The following EML6 variants were observed in gnomAD, a reference collection of about 807,000 sequenced individuals.
The protein encoded by EML6 is echinoderm microtubule-associated protein-like 6.
A neutral mutation model predicts 240.1 loss-of-function variants in EML6; 154 were observed. That is an observed-to-expected ratio of 0.64 (90% confidence interval 0.56 to 0.73). The LOEUF is 0.73. Among genes scored for constraint, EML6 ranks in the 30% least tolerant of loss-of-function variants. EML6 has a pLI of 0.00. For missense variants in EML6, 2,964 were observed against 2,474.6 expected, an observed-to-expected ratio of 1.20 and a Z score of -4.20; for synonymous variants, 1,148 against 899.0, an observed-to-expected ratio of 1.28 and a Z score of -4.95.
At chr2:54,823,910 T>C (rs1668462715) in intron 5 of EML6, among the ~76,000 whole-genome samples, 1 of 102,810 alleles carries the variant, frequency 9.7e-6, no homozygotes. Context: ...CAGAGAGAGA[T>C]CACTACCTCC....
intron 7 of EML6, among the ~76,000 whole-genome samples, chr2:54,831,004 C>G (rs1314108180): frequency 6.6e-6 from 1 of 152,056 alleles, no homozygotes; most frequent in Non-Finnish European, 1.5e-5. Flanking sequence ...AGAGTGTGGG[C>G]CAGGGAAACT....
At chr2:54,731,741 A>G (rs1683178997) in intron 2 of EML6, among the ~76,000 whole-genome samples, 1 of 152,138 alleles carries the variant, frequency 6.6e-6, no homozygotes, top group East Asian at 1.9e-4. Context: ...AGTCCCACCA[A>G]CCCCATCAAT....
chr2:54,821,898 GAGAA>G lies in EML6; in HGVS notation c.525+1440_525+1443del, dbSNP rs139120804. On this transcript the variant is annotated intron_variant, in intron 5 of 41. Coordinates refer to ENST00000356458, the MANE Select transcript of EML6 (RefSeq NM_001039753.4). The stretch of plus-strand genomic sequence containing the variant: ...GGCAAATATTTAACTGCTCAAATTG[GAGAA>G]AGATTTTTTTAAAATGTAAAAGCAA... Among the ~76,000 whole-genome samples the G allele has an allele frequency of 6.4e-3, 970 of 152,142 alleles. 7 individuals carry two copies. Among genetic ancestry groups the G allele is most frequent in the African/African-American group, 0.022 (927 of 41,542 alleles).
intron 6 of EML6, among the ~76,000 whole-genome samples, chr2:54,829,080 A>T (rs1017777576): frequency 6.6e-6 from 1 of 152,196 alleles, no homozygotes; most frequent in African/African-American, 2.4e-5. Context: ...TATATTTTTG[A>T]ATTTTTTTAA....
chr2:54,845,747 C>G (rs936382295), intron 8 of EML6, among the ~76,000 whole-genome samples: 2 of 152,098 alleles, frequency 1.3e-5, no homozygotes, highest in Non-Finnish European at 1.5e-5. Flanking sequence ...TACAGGCTGC[C>G]TAAGGGACCG....
At chr2:54,801,790 G>A (rs1199365298) in intron 2 of EML6, among the ~76,000 whole-genome samples, 2 of 152,128 alleles carry the variant, frequency 1.3e-5, no homozygotes, top group Admixed American at 1.3e-4. Flanking sequence ...AGCTAATTTG[G>A]TTAGAAAACT....
intron 29 of EML6, 105 bp from the exon 30 acceptor site, chr2:54,950,545 A>G: frequency 1.5e-6 from 2 of 1,312,178 alleles, no homozygotes; most frequent in Non-Finnish European, 2.1e-6. Context: ...GTCACCAGCC[A>G]TACCGTTCCT....
At chr2:54,832,736 C>T (rs1376089300) in intron 7 of EML6, among the ~76,000 whole-genome samples, 1 of 151,446 alleles carries the variant, frequency 6.6e-6, no homozygotes, top group Non-Finnish European at 1.5e-5. Flanking sequence ...GTGTCCTGTC[C>T]TCCCCACCCC....
Position 54,894,965 on chromosome 2 carries a change from G to C in EML6, c.2793G>C (p.Met931Ile). 6.4e-7 allele frequency: 1 copy of C among 1,551,464 alleles called. No individual in the cohort carries two copies. Among genetic ancestry groups the C allele is most frequent in the African/African-American group, 1.4e-5 (1 of 73,140 alleles). ...GCATCGTGGAGCTCTGGGATGATAT[G>C]TTTGAAAGATGTTTGAAGACTTATG... ...KDGIVELWDD[M>I]FERCLKTYAI... is the part of the protein sequence containing the mutation. Residue 931 changes from methionine (M) to isoleucine (I), a missense_variant, in exon 20 of 42, where the codon ATG (methionine) becomes ATC (isoleucine). Coordinates refer to ENST00000356458, the MANE Select transcript of EML6 (RefSeq NM_001039753.4).
chr2:54,726,686 T>G (rs1275693823), intron 2 of EML6, among the ~76,000 whole-genome samples: 1 of 152,250 alleles, frequency 6.6e-6, no homozygotes, highest in Non-Finnish European at 1.5e-5. Context: ...AGTTTTGTTC[T>G]GCAGATTTTG....
chr2:54,857,852 C>A (rs973853162), intron 11 of EML6, among the ~76,000 whole-genome samples: 1 of 151,946 alleles, frequency 6.6e-6, no homozygotes, highest in Non-Finnish European at 1.5e-5. Context: ...AGTGAGTGAG[C>A]GGGGAGAGAG....
chr2:54,892,943 C>G (rs182207856), intron 19 of EML6, among the ~76,000 whole-genome samples: 3 of 152,310 alleles, frequency 2.0e-5, no homozygotes, highest in East Asian at 3.9e-4. Flanking sequence ...TAAATGTGGA[C>G]ACTTAGCAGC....
At chr2:54,894,864 T>A in intron 19 of EML6, 51 bp from the exon 20 acceptor site, 1 of 1,293,706 alleles carries the variant, frequency 7.7e-7, no homozygotes, top group Non-Finnish European at 1.1e-6. Context: ...GCCAAGTGGG[T>A]AATTGGTCAT....
At chr2:54,904,936 A>T (rs1171961924) in intron 24 of EML6, among the ~76,000 whole-genome samples, 1 of 152,222 alleles carries the variant, frequency 6.6e-6, no homozygotes, top group Admixed American at 6.5e-5. Context: ...TACTTGCCAC[A>T]CTGGAATTTG....
Position 54,970,236 on chromosome 2 carries a change from G to GTTGTGT in EML6, c.*141_*142insTTGTGT. On this transcript the variant is annotated 3_prime_UTR_variant, in exon 42 of 42. Transcript: ENST00000356458. ...GGATGCACAAGCTCAAAACGCTGCA[G>GTTGTGT]AAGTTACACAACTGCTCCCATAATC... is the stretch of plus-strand genomic sequence containing the variant. 1.3e-6 allele frequency: 1 copy of GTTGTGT among 797,404 alleles called. No individual in the cohort carries two copies. The highest frequency in any genetic ancestry group is 2.1e-6 in the Non-Finnish European group (1 of 474,056). The allele number at this position is 797,404 out of a possible 1,614,324, so 49.4% of individuals were successfully genotyped here. A position where few individuals can be genotyped will look rare whatever the true frequency, so the allele number is the denominator to read the frequency against.
At position 54,959,202 on chromosome 2, in the gene EML6, G is replaced by A. The variant is rs1676379205; in HGVS notation, c.4794G>A (p.Val1598=). Residue 1598 remains valine, a synonymous_variant, in exon 34 of 42, where the codon GTG becomes GTA. Transcript: ENST00000356458. ...RLVAKAHTGP[V]FTMYTTLRDG... ...TGGCCAAGGCTCACACAGGCCCCGT[G>A]TTCACAATGTACACAACCCTTCGGG... The A allele has an allele frequency of 1.9e-6, 3 of 1,551,450 alleles. No homozygotes were observed. Among genetic ancestry groups the A allele is most frequent in the Non-Finnish European group, 2.6e-6 (3 of 1,146,962 alleles).
At chr2:54,855,270 C>A (rs1670310594) in intron 11 of EML6, among the ~76,000 whole-genome samples, 1 of 151,974 alleles carries the variant, frequency 6.6e-6, no homozygotes, top group South Asian at 2.1e-4. Flanking sequence ...ACAATCATGG[C>A]AGAAGGTGAG....
At chr2:54,883,168 A>G (rs1671931421) in intron 17 of EML6, among the ~76,000 whole-genome samples, 1 of 152,136 alleles carries the variant, frequency 6.6e-6, no homozygotes, top group South Asian at 2.1e-4. Context: ...TCCACTACCC[A>G]GATGTAGCCA....
At chr2:54,905,206 G>C (rs1054084810) in intron 24 of EML6, among the ~76,000 whole-genome samples, 2 of 152,010 alleles carry the variant, frequency 1.3e-5, no homozygotes, top group Non-Finnish European at 2.9e-5. Context: ...CTGCTTCTCA[G>C]ACCCTTCTTT....
Sources: gnomAD v4.1 joint callset for allele counts (sites outside exome capture counted in the v4.1 genomes callset) on GRCh38, gnomAD v4.1.1 for gene constraint, MANE v1.5 for transcripts, NCBI Gene and HGNC (gene_info 2026-07-23, HGNC 2026-07-21) for gene names.